ZC3H3: variants seen among roughly 807,000 people sequenced by gnomAD.
ZC3H3 encodes zinc finger CCCH-type containing 3.
ZC3H3 carries 36 observed loss-of-function variants against 77.3 expected under a neutral mutation model. That is an observed-to-expected ratio of 0.47 (90% CI 0.36 to 0.61). The LOEUF is 0.61. Among genes scored for constraint, ZC3H3 ranks in the 20% least tolerant of loss-of-function variants. ZC3H3 has a pLI of 0.00. For missense variants in ZC3H3, 1,331 were observed against 1,312.2 expected (o/e 1.01, Z -0.22); for synonymous variants, 626 against 555.2 (o/e 1.13, Z -1.79).
At position 143,497,998 on chromosome 8, in the gene ZC3H3, T is replaced by A. The variant is rs957781059; in HGVS notation, c.1715+9748A>T. On this transcript the variant is annotated intron_variant, in intron 4 of 11. Coordinates refer to ENST00000262577, the MANE Select transcript of ZC3H3 (RefSeq NM_015117.3). ...CTGTCCCTAAGTCCCCACGGGGCCATAGCTTCCATGCAGGCAGGGCCAGAC... is the reference window on the plus strand; with the variant it reads ...CTGTCCCTAAGTCCCCACGGGGCCAAAGCTTCCATGCAGGCAGGGCCAGAC... 3.3e-5 allele frequency among the ~76,000 whole-genome samples: 5 copies of A among 152,176 alleles called. No individual in the cohort carries two copies. The East Asian group carries it at 9.6e-4, about 29-fold the overall frequency.
intron 6 of ZC3H3, 33 bp downstream of exon 6, chr8:143,468,584 G>A: frequency 6.3e-7 from 1 of 1,587,628 alleles, no homozygotes; most frequent in South Asian, 1.1e-5. Flanking sequence ...GGCGAGCAGG[G>A]AGCCCACCCA....
rs963009815 is a variant in ZC3H3, at chr8:143,512,829, C to T, written c.1562-4930G>A. Among the ~76,000 whole-genome samples the T allele has an allele frequency of 3.3e-5, 5 of 152,252 alleles. No individual in the cohort carries two copies. The East Asian group carries it at 7.7e-4, about 23-fold the overall frequency. On this transcript the variant is annotated intron_variant, in intron 3 of 11. Transcript: ENST00000262577. ...ACAGAGCAGAGTTCCCACGATTAAT[C>T]GCCTAATTAGAGCTGTGATTACAAC... is the stretch of plus-strand genomic sequence containing the variant.
At chr8:143,507,942 C>A in intron 3 of ZC3H3, 43 bp from the exon 4 acceptor site, 1 of 1,520,120 alleles carries the variant, frequency 6.6e-7, no homozygotes, top group South Asian at 1.2e-5. Flanking sequence ...CAGGGAAGGC[C>A]GGCAAGGGTA....
intron 10 of ZC3H3, 90 bp downstream of exon 10, chr8:143,440,846 G>T: frequency 7.8e-7 from 1 of 1,282,286 alleles, no homozygotes; most frequent in Non-Finnish European, 9.9e-7. Context: ...GCTGGAGTTG[G>T]CGGGAGCTCA....
rs1822687713 is a variant in ZC3H3 at position 143,533,460 on chromosome 8, A to G, written c.1561+2797T>C. Among the ~76,000 whole-genome samples, 1 of 152,090 alleles carries G rather than the reference A, an allele frequency of 6.6e-6. No homozygotes were observed. Among genetic ancestry groups the G allele is most frequent in the Admixed American group, 6.5e-5 (1 of 15,274 alleles). ...CCAGGAGCACCTTCCTGGCTGATGT[A>G]CAAGCACTCCAGTGGCTGCCTGTCT... On this transcript the variant is annotated intron_variant, in intron 3 of 11. Coordinates refer to ENST00000262577, the MANE Select transcript of ZC3H3 (RefSeq NM_015117.3). This position sits in a 1 kb window ranked among gnomAD's most constrained non-coding sequence, Gnocchi z 4.0.
At chr8:143,487,765 C>T (rs1821090450) in intron 4 of ZC3H3, among the ~76,000 whole-genome samples, 1 of 11,930 alleles carries the variant, frequency 8.4e-5, no homozygotes, top group Admixed American at 6.9e-4. Context: ...ACCCGCTACA[C>T]GGCCCCATCA....
At chr8:143,534,900 C>T (rs769669472) in intron 3 of ZC3H3, among the ~76,000 whole-genome samples, 3 of 152,036 alleles carry the variant, frequency 2.0e-5, no homozygotes, top group Non-Finnish European at 4.4e-5. Flanking sequence ...TGCTGCAACA[C>T]CCGGCTGCAT....
chr8:143,484,131 C>T (rs1401300429), intron 4 of ZC3H3, among the ~76,000 whole-genome samples: 3 of 152,198 alleles, frequency 2.0e-5, no homozygotes, highest in Non-Finnish European at 4.4e-5. Context: ...TTGAGTGCGA[C>T]TGGTCCAGCT....
At chr8:143,473,875 TA>T (rs1345406762) in intron 5 of ZC3H3, among the ~76,000 whole-genome samples, 2 of 152,270 alleles carry the variant, frequency 1.3e-5, no homozygotes, top group East Asian at 3.9e-4. Context: ...GCCAGGGGCT[TA>T]TACTTCACTC....
chr8:143,534,900 C>A (rs769669472), intron 3 of ZC3H3, among the ~76,000 whole-genome samples: 3 of 152,036 alleles, frequency 2.0e-5, no homozygotes, highest in Non-Finnish European at 4.4e-5. Context: ...TGCTGCAACA[C>A]CCGGCTGCAT....
intron 3 of ZC3H3, among the ~76,000 whole-genome samples, chr8:143,524,940 C>A (rs953779013): frequency 8.3e-6 from 1 of 120,150 alleles, no homozygotes; most frequent in East Asian, 2.8e-4. Flanking sequence ...GCTTGGGGCC[C>A]CAGGGCTGAT....
chr8:143,488,770 C>T (rs1383333039), intron 4 of ZC3H3, among the ~76,000 whole-genome samples: 1 of 152,246 alleles, frequency 6.6e-6, no homozygotes, highest in Non-Finnish European at 1.5e-5. Flanking sequence ...CTTCTGCAAA[C>T]ATCCTCACGA....
Position 143,437,727 on chromosome 8 carries a change from C to A in ZC3H3, c.*329G>T. The A allele has an allele frequency of 2.3e-6, 1 of 426,502 alleles. No individual in the cohort carries two copies. Among genetic ancestry groups the A allele is most frequent in the Non-Finnish European group, 4.4e-6 (1 of 229,344 alleles). The allele number at this position is 426,502 out of a possible 1,614,324, so 26.4% of individuals were successfully genotyped here. ...GGAGGCCTGGCCAGTGGCCTCTTCA[C>A]TGGGCCGAAAACCTGGGTGGGGAGG... On this transcript the variant is annotated 3_prime_UTR_variant, in exon 12 of 12. Transcript: ENST00000262577.
intron 3 of ZC3H3, among the ~76,000 whole-genome samples, chr8:143,512,272 C>G (rs1821893217): frequency 6.6e-6 from 1 of 152,280 alleles, no homozygotes; most frequent in South Asian, 2.1e-4. Context: ...TCCCTAATTC[C>G]TGAAGATTCC....
intron 9 of ZC3H3, among the ~76,000 whole-genome samples, chr8:143,461,207 A>T (rs1017374310): frequency 1.3e-5 from 2 of 152,200 alleles, no homozygotes; most frequent in Non-Finnish European, 2.9e-5. Flanking sequence ...ATATCTCAAC[A>T]AAGCTGTTTT....
chr8:143,512,436 C>T (rs1418412946), intron 3 of ZC3H3, among the ~76,000 whole-genome samples: 2 of 152,262 alleles, frequency 1.3e-5, no homozygotes, highest in African/African-American at 4.8e-5. Context: ...CTGTGTCTTT[C>T]CAGTCCTCTT....
rs190160659 is a variant in ZC3H3 at position 143,451,620 on chromosome 8, C to A, written c.2308-10500G>T. 9.9e-5 allele frequency among the ~76,000 whole-genome samples: 15 copies of A among 151,880 alleles called. No homozygotes were observed. In the East Asian group the frequency reaches 2.9e-3, roughly 29 times the overall value. ...CCAACATGGTGACACCCTGTCTCTA[C>A]TAAAAATATAAAAATTAGCCTTGCA... On this transcript the variant is annotated intron_variant, in intron 9 of 11. Transcript: ENST00000262577.
intron 11 of ZC3H3, among the ~76,000 whole-genome samples, chr8:143,438,487 CGAG>C (rs1819641490): frequency 6.6e-6 from 1 of 152,202 alleles, no homozygotes; most frequent in Non-Finnish European, 1.5e-5. Context: ...GCCAGACACA[CGAG>C]GCGGCCACGA....
chr8:143,505,667 C>A (rs1470142111), intron 4 of ZC3H3, among the ~76,000 whole-genome samples: 1 of 152,154 alleles, frequency 6.6e-6, no homozygotes, highest in East Asian at 1.9e-4. Flanking sequence ...GTCAGGAAAG[C>A]AAGGAGGGCC....
Sources: allele counts gnomAD v4.1 joint callset (sites outside exome capture counted in the v4.1 genomes callset), GRCh38; gene constraint gnomAD v4.1.1; non-coding constraint Gnocchi (gnomAD v3.1); transcripts MANE v1.5; gene names NCBI Gene and HGNC (gene_info 2026-07-23, HGNC 2026-07-21).